Variants in ANGPTL6 observed in about 807,000 individuals in gnomAD.
ANGPTL6 encodes angiopoietin like 6, also known as angiopoietin-related protein 6.
ANGPTL6 carries 45 observed loss-of-function variants against 47.4 expected under a neutral mutation model. The observed-to-expected ratio is 0.95, with a 90% confidence interval of 0.75 to 1.22. ANGPTL6 has a LOEUF of 1.22. ANGPTL6 is among the 50% of genes most tolerant of loss of function. The probability of loss-of-function intolerance (pLI) is 0.00; values close to 1 mark genes in which losing one functional copy is unlikely to be tolerated. For missense variants in ANGPTL6, 698 were observed against 669.4 expected (o/e 1.04, Z -0.47); for synonymous variants, 290 against 295.9 (o/e 0.98, Z 0.20).
chr19:10,096,859 C>G (rs1439307582), intron 1 of ANGPTL6, among the ~76,000 whole-genome samples: 1 of 151,254 alleles, frequency 6.6e-6, no homozygotes, highest in Non-Finnish European at 1.5e-5. Context: ...TTTGGGAGGC[C>G]GAGGCGAGAG....
At chr19:10,104,279 T>C (rs1326328529), upstream of ANGPTL6, among the ~76,000 whole-genome samples, 1 of 135,682 alleles carries the variant, frequency 7.4e-6, no homozygotes, top group East Asian at 2.3e-4. Context: ...GTGATAGCTA[T>C]CTTTCTTTGG....
In ANGPTL6 at chr19:10,093,366, T is replaced by G; in HGVS notation, c.1205A>C (p.Asp402Ala). ...CTCCTTACCAGAATAGGAGTCTCGG[T>G]CCCTATCCACGGTGCTGAAGGGCTT... ...NDKPFSTVDRDRDSYSGNCAL... is the reference protein window; with the variant it reads ...NDKPFSTVDRARDSYSGNCAL... The change falls in exon 5 of 6, where the codon GAC becomes GCC. Residue 402 changes from aspartate (D) to alanine (A), a missense_variant. Transcript: ENST00000253109. 1 of 1,613,642 alleles carries G rather than the reference T, an allele frequency of 6.2e-7. No homozygotes were observed. Among genetic ancestry groups the G allele is most frequent in the Non-Finnish European group, 8.5e-7 (1 of 1,179,660 alleles).
intron 1 of ANGPTL6, 36 bp from the exon 2 acceptor site, chr19:10,096,609 G>T: frequency 7.0e-7 from 1 of 1,433,680 alleles, no homozygotes; most frequent in Non-Finnish European, 9.1e-7. Flanking sequence ...AAGACGGGGT[G>T]CTGGGGCCCA....
chr19:10,102,115 C>CAAA (rs111902676), intron 1 of ANGPTL6, among the ~76,000 whole-genome samples: 21 of 43,650 alleles, frequency 4.8e-4, no homozygotes, highest in East Asian at 6.3e-4. Context: ...GACTCTGTCT[C>CAAA]AAAAAAAAAA....
intron 1 of ANGPTL6, 64 bp from the exon 2 acceptor site, chr19:10,096,637 C>T (rs1599287743): frequency 7.9e-7 from 1 of 1,265,794 alleles, no homozygotes; most frequent in East Asian, 3.1e-5. Context: ...CCCTCCGCTT[C>T]CACGCGGGGA....
upstream of ANGPTL6, among the ~76,000 whole-genome samples, chr19:10,104,098 A>G (rs866318840): frequency 2.0e-5 from 3 of 151,248 alleles, no homozygotes; most frequent in South Asian, 2.1e-4. Flanking sequence ...AAAAAAAAAA[A>G]AAAGAAAAGA....
rs1432419665 is a variant in ANGPTL6, at chr19:10,094,762, A to C, written c.759T>G (p.Pro253=). ...PAGHPAVPTK[P]VGPWQDCAEA... is the part of the protein sequence containing the mutation. ...TCAGCCCTAATGTCGACTTACCCAC[A>C]GGCTTGGTGGGGACCGCAGGGTGAC... The change falls in exon 3 of 6, where the codon CCT becomes CCG. Residue 253 remains proline (P), a synonymous_variant. Coordinates refer to ENST00000253109, the MANE Select transcript of ANGPTL6 (RefSeq NM_031917.3). 4 of 1,613,968 alleles carry C rather than the reference A, an allele frequency of 2.5e-6. No homozygotes were observed. The Admixed American group carries it at 5.0e-5, about 20-fold the overall frequency.
At chr19:10,100,476 T>C (rs955746383) in intron 1 of ANGPTL6, among the ~76,000 whole-genome samples, 1 of 152,120 alleles carries the variant, frequency 6.6e-6, no homozygotes, top group Non-Finnish European at 1.5e-5. Context: ...GCTCAAGTGA[T>C]CCTCCCACCT....
chr19:10,103,333 G>A (rs2088727597), upstream of ANGPTL6, among the ~76,000 whole-genome samples: 2 of 151,776 alleles, frequency 1.3e-5, no homozygotes, highest in Non-Finnish European at 1.5e-5. Flanking sequence ...GCTCATGCCT[G>A]AAAGCCAGCA....
At chr19:10,100,199 C>T (rs1223926564) in intron 1 of ANGPTL6, among the ~76,000 whole-genome samples, 4 of 151,608 alleles carry the variant, frequency 2.6e-5, no homozygotes, top group African/African-American at 9.7e-5. Context: ...GAGCTGAGAC[C>T]GCACCACTGC....
intron 5 of ANGPTL6, 148 bp downstream of exon 5, chr19:10,093,201 T>G: frequency 8.8e-7 from 1 of 1,133,500 alleles, no homozygotes; most frequent in Non-Finnish European, 1.3e-6. Context: ...ATAAAAGTCC[T>G]GACCTTTGTT....
chr19:10,099,403 C>T (rs368042504), intron 1 of ANGPTL6, among the ~76,000 whole-genome samples: 23 of 152,000 alleles, frequency 1.5e-4, no homozygotes, highest in East Asian at 1.2e-3. Flanking sequence ...AGTGAAACCC[C>T]GTCTCTACTG....
chr19:10,094,602 C>T (rs1322006687), intron 3 of ANGPTL6, 156 bp downstream of exon 3: 3 of 912,304 alleles, frequency 3.3e-6, no homozygotes, highest in Admixed American at 2.6e-5. Flanking sequence ...TTTCTTGTTT[C>T]TCCTATTTTC....
At chr19:10,095,708 A>T (rs2088510946) in intron 2 of ANGPTL6, among the ~76,000 whole-genome samples, 1 of 152,240 alleles carries the variant, frequency 6.6e-6, no homozygotes, top group Non-Finnish European at 1.5e-5. Context: ...ATGTGTGTAT[A>T]GAATATACAT....
In ANGPTL6 at chr19:10,093,377, G is replaced by A. The variant is rs982902807; in HGVS notation, c.1194C>T (p.Thr398=). The change falls in exon 5 of 6, where the codon ACC becomes ACT. Residue 398 remains threonine (T), a synonymous_variant. Transcript: ENST00000253109. ...AATAGGAGTCTCGGTCCCTATCCAC[G>A]GTGCTGAAGGGCTTGTCATTGTGCC... ...LSWHNDKPFS[T]VDRDRDSYSG... 9 of 1,613,884 alleles carry A rather than the reference G, an allele frequency of 5.6e-6. No individual in the cohort carries two copies. The highest frequency in any genetic ancestry group is 1.1e-5 in the South Asian group (1 of 91,070).
At position 10,092,624 on chromosome 19, in the gene ANGPTL6, T is replaced by A. The variant is rs769022609; in HGVS notation, c.1378A>T (p.Lys460Ter). 2.5e-6 allele frequency: 4 copies of A among 1,612,082 alleles called. No individual in the cohort carries two copies. Among genetic ancestry groups the A allele is most frequent in the Admixed American group, 1.7e-5 (1 of 59,920 alleles). Residue 460 changes from lysine to a stop codon, truncating the protein, a stop_gained, in exon 6 of 6, where the codon AAG (lysine) becomes TAG (stop). Coordinates refer to ENST00000253109, the MANE Select transcript of ANGPTL6 (RefSeq NM_031917.3). LOFTEE classifies it high-confidence loss of function. ...AGGGGCCGAATGAGCATGGCGGCCT[T>A]CCTGAGAGAATATGCCCCACCACGA... is the stretch of plus-strand genomic sequence containing the variant. Reference protein sequence around the residue: ...EFRGGAYSLRKAAMLIRPLKL With the variant: ...EFRGGAYSLR
At position 10,096,680 on chromosome 19, in the gene ANGPTL6, C is replaced by T. The variant is rs10408244; in HGVS notation, c.-10-107G>A. ...GTCTACACCCGCGATGTCCCGGGCC[C>T]ATAATTTCAGTCCCCATCTCATTCC... On this transcript the variant is annotated intron_variant, in intron 1 of 5. Coordinates refer to ENST00000253109, the MANE Select transcript of ANGPTL6 (RefSeq NM_031917.3). The T allele has an allele frequency of 5.5e-3, 4,897 of 897,900 alleles. 164 individuals are homozygous for T. In the African/African-American group the frequency reaches 0.078, roughly 14 times the overall value. 55.6% of individuals were successfully genotyped at this position (897,900 alleles called of 1,614,324 possible).
intron 1 of ANGPTL6, among the ~76,000 whole-genome samples, chr19:10,097,122 C>G (rs2088566336): frequency 6.6e-6 from 1 of 150,858 alleles, no homozygotes; most frequent in Non-Finnish European, 1.5e-5. Flanking sequence ...TAAATAAAAA[C>G]AAGGCTTATG....
chr19:10,102,540 A>G, intron 1 of ANGPTL6, 28 bp downstream of exon 1: 2 of 982,906 alleles, frequency 2.0e-6, no homozygotes, highest in South Asian at 4.7e-5. Context: ...GTGAGAATCA[A>G]CCTCCACCTA....
Sources: gnomAD v4.1 joint callset for allele counts (sites outside exome capture counted in the v4.1 genomes callset) on GRCh38, gnomAD v4.1.1 for gene constraint, MANE v1.5 for transcripts, NCBI Gene and HGNC (gene_info 2026-07-23, HGNC 2026-07-21) for gene names.